Variants in CLIC4 observed in about 807,000 individuals in gnomAD.
The protein encoded by CLIC4 is CLIC family member 4.
In CLIC4, 13 loss-of-function variants were observed where a neutral mutation model predicts 24.6. The ratio of observed to expected loss-of-function variants is 0.53; its 90% CI spans 0.34 to 0.84. CLIC4 has a LOEUF of 0.84. Among genes scored for constraint, CLIC4 ranks in the 40% least tolerant of loss-of-function variants. CLIC4 has a pLI of 0.01. For missense variants in CLIC4, 227 were observed against 301.7 expected (o/e 0.75, Z 1.83); for synonymous variants, 104 against 111.3 (o/e 0.93, Z 0.41).
Position 24,844,096 on chromosome 1 carries a change from A to G in CLIC4, c.*3159A>G, listed in dbSNP as rs895831394. ...ATATTTTTATCATGGAAAAATTTCA[A>G]CTCCTCAAGCCGTAATGTTGAACAG... is the stretch of plus-strand genomic sequence containing the variant. On this transcript the variant is annotated 3_prime_UTR_variant, in exon 6 of 6. Transcript: ENST00000374379. 2.0e-5 allele frequency: 3 copies of G among 152,452 alleles called. No homozygotes were observed. Among genetic ancestry groups the G allele is most frequent in the Non-Finnish European group, 2.9e-5 (2 of 67,968 alleles). The allele number at this position is 152,452 out of a possible 1,614,324, so 9.4% of individuals were successfully genotyped here.
Position 24,797,820 on chromosome 1 carries a change from G to T in CLIC4, c.151G>T (p.Val51Leu). ...LFMILWLKGV[V>L]FSVTTVDLKR... Reference sequence around the variant, plus strand: ...CATGATTCTTTGGCTCAAAGGAGTTGTATTTAGTGTGACGACTGTTGACCT... The same window carrying T: ...CATGATTCTTTGGCTCAAAGGAGTTTTATTTAGTGTGACGACTGTTGACCT... Residue 51 changes from valine (V) to leucine (L), a missense_variant, in exon 2 of 6, where the codon GTA becomes TTA. Transcript: ENST00000374379. 6.2e-7 allele frequency: 1 copy of T among 1,613,536 alleles called. No homozygotes were observed. Among genetic ancestry groups the T allele is most frequent in the Non-Finnish European group, 8.5e-7 (1 of 1,179,802 alleles).
chr1:24,771,476 A>G (rs1639070425), intron 1 of CLIC4, among the ~76,000 whole-genome samples: 1 of 152,100 alleles, frequency 6.6e-6, no homozygotes, highest in African/African-American at 2.4e-5. Context: ...TTAAATTTAA[A>G]AAATTATTAT....
At position 24,839,959 on chromosome 1, in the gene CLIC4, A is replaced by T; in HGVS notation, c.515A>T (p.Lys172Met). 1 of 1,613,986 alleles carries T rather than the reference A, an allele frequency of 6.2e-7. No individual in the cohort carries two copies. Among genetic ancestry groups the T allele is most frequent in the Non-Finnish European group, 8.5e-7 (1 of 1,180,010 alleles). ...GATGAAAATAGTATGGAGGACATAA[A>T]GTTTTCTACACGTAAATTTCTGGAT... The part of the protein sequence containing the change: ...EIDENSMEDI[K>M]FSTRKFLDGN... The change falls in exon 5 of 6, where the codon AAG (lysine) becomes ATG (methionine). Residue 172 changes from lysine to methionine, a missense_variant. Transcript: ENST00000374379.
At chr1:24,823,617 A>G in intron 3 of CLIC4, among the ~76,000 whole-genome samples, 1 of 152,080 alleles carries the variant, frequency 6.6e-6, no homozygotes, top group South Asian at 2.1e-4. Context: ...TAATAAAAAC[A>G]CAAAAAATTA....
chr1:24,826,868 A>G, intron 3 of CLIC4, 142 bp from the exon 4 acceptor site: 1 of 540,132 alleles, frequency 1.9e-6, no homozygotes. Flanking sequence ...GTTTTTAAAA[A>G]TACCATAGAA....
intron 2 of CLIC4, among the ~76,000 whole-genome samples, chr1:24,801,424 G>T (rs1047663681): frequency 6.6e-6 from 1 of 152,158 alleles, no homozygotes; most frequent in Non-Finnish European, 1.5e-5. Context: ...GATCTTGTGA[G>T]AACTCACTCT....
At position 24,749,492 on chromosome 1, in the gene CLIC4, T is replaced by A. The variant is rs80008004; in HGVS notation, c.72+3867T>A. 1.2e-4 allele frequency among the ~76,000 whole-genome samples: 19 copies of A among 152,318 alleles called. No individual in the cohort carries two copies. In the East Asian group the frequency reaches 3.7e-3, roughly 29 times the overall value. On this transcript the variant is annotated intron_variant, in intron 1 of 5. Transcript: ENST00000374379. The stretch of plus-strand genomic sequence containing the variant: ...GAGAGATGAGCACCTTCTCAAATAG[T>A]ATGACTGAACTCACAGCTGCATTTC...
At chr1:24,808,354 T>C (rs778280169) in intron 2 of CLIC4, among the ~76,000 whole-genome samples, 34 of 152,184 alleles carry the variant, frequency 2.2e-4, no homozygotes, top group Non-Finnish European at 4.7e-4. Context: ...TATTTGCATA[T>C]TAACCTACAA....
intron 1 of CLIC4, among the ~76,000 whole-genome samples, chr1:24,764,602 C>G (rs1638969655): frequency 6.6e-6 from 1 of 151,230 alleles, no homozygotes; most frequent in Non-Finnish European, 1.5e-5. Context: ...TGCAGTGAGC[C>G]AAGATAGTGC....
intron 2 of CLIC4, 48 bp downstream of exon 2, chr1:24,797,899 T>G (rs369380892): frequency 3.9e-5 from 49 of 1,267,068 alleles, no homozygotes; most frequent in Non-Finnish European, 5.2e-5. Context: ...AACTATCTTT[T>G]CAGTTTGATC....
chr1:24,771,294 A>G (rs778931302), intron 1 of CLIC4, among the ~76,000 whole-genome samples: 3 of 152,140 alleles, frequency 2.0e-5, no homozygotes, highest in Non-Finnish European at 4.4e-5. Context: ...TTCTCTGACC[A>G]TGTTGTTCCC....
At chr1:24,827,424 G>T (rs533962232) in intron 4 of CLIC4, among the ~76,000 whole-genome samples, 1 of 152,268 alleles carries the variant, frequency 6.6e-6, no homozygotes, top group East Asian at 1.9e-4. Flanking sequence ...AGAATTAATG[G>T]TGCATCAGAA....
At chr1:24,766,112 T>G (rs974701612) in intron 1 of CLIC4, among the ~76,000 whole-genome samples, 2 of 152,150 alleles carry the variant, frequency 1.3e-5, no homozygotes, top group African/African-American at 4.8e-5. Flanking sequence ...GTTCCAGCTA[T>G]TCTCCTGACT....
intron 3 of CLIC4, among the ~76,000 whole-genome samples, chr1:24,823,148 T>C (rs959279151): frequency 1.3e-5 from 2 of 152,230 alleles, no homozygotes; most frequent in African/African-American, 4.8e-5. Context: ...GATTTAATCA[T>C]GACAAATATA....
chr1:24,826,924 T>A (rs927224227), intron 3 of CLIC4, 86 bp from the exon 4 acceptor site: 5 of 809,678 alleles, frequency 6.2e-6, no homozygotes, highest in Non-Finnish European at 1.0e-5. Flanking sequence ...AAAAGACGTC[T>A]AGTAACTGCT....
intron 1 of CLIC4, among the ~76,000 whole-genome samples, chr1:24,760,359 CA>C (rs376643814): frequency 6.7e-6 from 1 of 148,278 alleles, no homozygotes. Flanking sequence ...GACTCCATCT[CA>C]AAAAAAAAGA....
chr1:24,828,964 G>A (rs771146314), intron 4 of CLIC4, among the ~76,000 whole-genome samples: 1 of 152,130 alleles, frequency 6.6e-6, no homozygotes. Flanking sequence ...TGACACTTTA[G>A]AAAACAATAT....
rs1020803855 is a variant in CLIC4, at chr1:24,769,258, T to C, written c.72+23633T>C. On this transcript the variant is annotated intron_variant, in intron 1 of 5. Coordinates refer to ENST00000374379, the MANE Select transcript of CLIC4 (RefSeq NM_013943.3). ...TATCACTATACAGAATAAACAGATATATAAAAAATGATCAGTAAGTTTTTG... is the reference window on the plus strand; with the variant it reads ...TATCACTATACAGAATAAACAGATACATAAAAAATGATCAGTAAGTTTTTG... 1.1e-4 allele frequency among the ~76,000 whole-genome samples: 16 copies of C among 152,218 alleles called. No individual in the cohort carries two copies. The South Asian group carries it at 1.2e-3, about 12-fold the overall frequency.
rs1187879231 is a variant in CLIC4, at chr1:24,833,836, C to T, written c.416-6024C>T. The stretch of plus-strand genomic sequence containing the variant: ...CGGGGCGGCTGGCCGACCCCCCCCC[C>T]CCCCCCCCGCCTCCCTCCCGGACGG... On this transcript the variant is annotated intron_variant, in intron 4 of 5. Transcript: ENST00000374379. Among the ~76,000 whole-genome samples the T allele has an allele frequency of 1.7e-4, 4 of 22,926 alleles. 1 individual carries two copies. The South Asian group carries it at 6.1e-3, about 35-fold the overall frequency. 15.0% of individuals were successfully genotyped at this position (22,926 alleles called of 152,430 possible). A position where few individuals can be genotyped will look rare whatever the true frequency, so the allele number is the denominator to read the frequency against.
Sources: allele counts gnomAD v4.1 joint callset (sites outside exome capture counted in the v4.1 genomes callset), GRCh38; gene constraint gnomAD v4.1.1; transcripts MANE v1.5; gene names NCBI Gene and HGNC (gene_info 2026-07-23, HGNC 2026-07-21).